Variants in PRKCB observed in about 807,000 individuals in gnomAD.
PRKCB encodes protein kinase C beta, also known as protein kinase C beta type.
PRKCB carries 13 observed loss-of-function variants against 81.5 expected under a neutral mutation model. The observed-to-expected ratio is 0.16, with a 90% confidence interval of 0.10 to 0.25. The LOEUF (loss-of-function observed/expected upper bound fraction) is 0.25, where lower values mean the gene tolerates loss of function less well. Ranked by LOEUF, PRKCB falls within the 10% of genes least tolerant of loss-of-function variation. The pLI is 1.00. For missense variants in PRKCB, 509 were observed against 875.7 expected (o/e 0.58, Z 5.29); for synonymous variants, 335 against 321.4 (o/e 1.04, Z -0.45).
intron 2 of PRKCB, among the ~76,000 whole-genome samples, chr16:23,850,338 A>C (rs1193854091): frequency 6.7e-6 from 1 of 149,964 alleles, no homozygotes; most frequent in Non-Finnish European, 1.5e-5. Context: ...ATATGCCCAG[A>C]AGTGGGATTA....
chr16:23,899,094 G>A (rs17810017), intron 2 of PRKCB, among the ~76,000 whole-genome samples: 3,730 of 152,298 alleles, frequency 0.024, 79 homozygotes, highest in Non-Finnish European at 0.039. Flanking sequence ...TGATTTCTAT[G>A]TTGAGGTCAC....
chr16:23,921,021 G>T (rs1567314389), intron 2 of PRKCB, among the ~76,000 whole-genome samples: 1 of 152,118 alleles, frequency 6.6e-6, no homozygotes. Flanking sequence ...CATGTGCAGG[G>T]GAACTCCCAT....
At chr16:23,931,371 A>T (rs1220459262) in intron 2 of PRKCB, among the ~76,000 whole-genome samples, 1 of 152,240 alleles carries the variant, frequency 6.6e-6, no homozygotes, top group East Asian at 1.9e-4. Context: ...GATGGCAGAC[A>T]GCTACAGTAG....
At chr16:24,020,764 G>A (rs1418424703) in intron 3 of PRKCB, among the ~76,000 whole-genome samples, 1 of 152,278 alleles carries the variant, frequency 6.6e-6, no homozygotes, top group East Asian at 1.9e-4. Context: ...AGCCTCAGGA[G>A]CTTTCATAGC....
At position 24,035,558 on chromosome 16, in the gene PRKCB, C is replaced by G; in HGVS notation, c.529+11C>G. 2.0e-6 allele frequency: 3 copies of G among 1,475,208 alleles called. No individual in the cohort carries two copies. The highest frequency in any genetic ancestry group is 2.2e-5 in the South Asian group (2 of 89,196). 91.4% of individuals were successfully genotyped at this position (1,475,208 alleles called of 1,614,324 possible). A position where few individuals can be genotyped will look rare whatever the true frequency, so the allele number is the denominator to read the frequency against. On this transcript the variant is annotated intron_variant, in intron 5 of 16. Transcript: ENST00000643927. ...TCCTCATTGTCCTCGGTAGGTGGCC[C>G]TGGGGCTCCACTGGCTCCTGACCTT...
intron 3 of PRKCB, among the ~76,000 whole-genome samples, chr16:24,021,058 C>CTT (rs1567346789): frequency 3.1e-4 from 17 of 54,320 alleles, no homozygotes; most frequent in South Asian, 2.0e-3. Context: ...TTCTTTCTTT[C>CTT]CCTCCCTCCC....
chr16:24,208,549 T>A (rs1968083344), intron 16 of PRKCB: 2 of 152,242 alleles, frequency 1.3e-5, no homozygotes, highest in South Asian at 4.1e-4. Flanking sequence ...AGTTGGTTTC[T>A]GGCCCCCATT....
rs1436766116 is a variant in PRKCB, at chr16:24,094,146, TC to T, written c.687-16del. On this transcript the variant is annotated splice_polypyrimidine_tract_variant and intron_variant, in intron 6 of 16. Transcript: ENST00000643927. ...TACTACAACCTCCACTGATGTCTTT[TC>T]TTTTTCTCTATGCAGTCAGCTGAAA... The T allele has an allele frequency of 5.0e-6, 8 of 1,611,328 alleles. No individual in the cohort carries two copies. Among genetic ancestry groups the T allele is most frequent in the Admixed American group, 3.4e-5 (2 of 59,170 alleles).
Position 24,220,263 on chromosome 16 carries a change from T to C in PRKCB, c.*5447T>C. On this transcript the variant is annotated 3_prime_UTR_variant, in exon 17 of 17. Transcript: ENST00000643927. ...GAGGGCTTTTCTTTGTATGTGTAGC[T>C]TGCTAGTTTGTTTTCTACATTTGAA... 1.1e-6 allele frequency: 1 copy of C among 892,382 alleles called. No individual in the cohort carries two copies. Among genetic ancestry groups the C allele is most frequent in the East Asian group, 2.6e-5 (1 of 38,542 alleles). The allele number at this position is 892,382 out of a possible 1,614,324, so 55.3% of individuals were successfully genotyped here.
intron 5 of PRKCB, among the ~76,000 whole-genome samples, chr16:24,062,008 C>T (rs1011158516): frequency 2.0e-5 from 3 of 151,862 alleles, no homozygotes; most frequent in African/African-American, 7.3e-5. Context: ...GGGACAGCAT[C>T]CTTTGGAGCA....
chr16:24,211,732 G>A (rs1278748327), intron 16 of PRKCB, among the ~76,000 whole-genome samples: 5 of 151,856 alleles, frequency 3.3e-5, no homozygotes, highest in Non-Finnish European at 7.4e-5. Context: ...CTAATTTTTT[G>A]TATTTTTAGT....
intron 2 of PRKCB, among the ~76,000 whole-genome samples, chr16:23,861,549 A>AGCGCCTCT (rs1962664238): frequency 1.3e-5 from 2 of 152,160 alleles, no homozygotes; most frequent in African/African-American, 4.8e-5. Flanking sequence ...CAAAGACTTA[A>AGCGCCTCT]CACTGTCATC....
chr16:24,126,228 C>T (rs966726322), intron 9 of PRKCB, among the ~76,000 whole-genome samples: 2 of 147,936 alleles, frequency 1.4e-5, no homozygotes, highest in African/African-American at 5.0e-5. Context: ...GTTTAGAAGT[C>T]TAAGGATGAA....
At chr16:24,066,567 A>T (rs140289020) in intron 5 of PRKCB, among the ~76,000 whole-genome samples, 1 of 152,230 alleles carries the variant, frequency 6.6e-6, no homozygotes, top group Non-Finnish European at 1.5e-5. Flanking sequence ...CAAAATGAAG[A>T]TGTTAACACT....
At chr16:24,161,867 G>A (rs903807354) in intron 10 of PRKCB, among the ~76,000 whole-genome samples, 1 of 152,286 alleles carries the variant, frequency 6.6e-6, no homozygotes, top group South Asian at 2.1e-4. Context: ...GCATAGGTAC[G>A]AAAGAATTAT....
At chr16:24,110,860 A>G (rs1301350234) in intron 7 of PRKCB, among the ~76,000 whole-genome samples, 2 of 152,140 alleles carry the variant, frequency 1.3e-5, no homozygotes, top group Non-Finnish European at 2.9e-5. Flanking sequence ...GTTTTTAACA[A>G]TTATTTTCTA....
At chr16:24,105,562 G>T (rs1284377467) in intron 7 of PRKCB, among the ~76,000 whole-genome samples, 1 of 152,074 alleles carries the variant, frequency 6.6e-6, no homozygotes, top group Non-Finnish European at 1.5e-5. Flanking sequence ...GCCCCGGTGT[G>T]TAATGTTCCC....
intron 5 of PRKCB, among the ~76,000 whole-genome samples, chr16:24,081,707 C>T (rs1966251850): frequency 6.6e-6 from 1 of 151,942 alleles, no homozygotes; most frequent in Admixed American, 6.6e-5. Flanking sequence ...ACCCCCACAT[C>T]TACTAAAAAT....
intron 2 of PRKCB, among the ~76,000 whole-genome samples, chr16:23,941,967 A>G (rs1458175141): frequency 6.6e-6 from 1 of 152,272 alleles, no homozygotes; most frequent in African/African-American, 2.4e-5. Flanking sequence ...AACACTATTC[A>G]CAGGTTATAT....
Sources: allele counts gnomAD v4.1 joint callset (sites outside exome capture counted in the v4.1 genomes callset), GRCh38; gene constraint gnomAD v4.1.1; transcripts MANE v1.5; gene names NCBI Gene and HGNC (gene_info 2026-07-23, HGNC 2026-07-21).